The following LRRC8B variants were observed in gnomAD, a reference collection of about 807,000 sequenced individuals.
The protein encoded by LRRC8B is volume-regulated anion channel subunit LRRC8B.
LRRC8B carries 23 observed loss-of-function variants against 58.8 expected under a neutral mutation model. The observed-to-expected ratio is 0.39, with a 90% confidence interval of 0.28 to 0.55. The LOEUF (loss-of-function observed/expected upper bound fraction) is 0.55, where lower values mean the gene tolerates loss of function less well. Among genes scored for constraint, LRRC8B ranks in the 20% least tolerant of loss-of-function variants. LRRC8B has a pLI of 0.62. For synonymous variants in LRRC8B, 359 were observed against 374.1 expected (o/e 0.96, Z 0.47); for missense variants, 694 against 936.0 (o/e 0.74, Z 3.37).
intron 1 of LRRC8B, among the ~76,000 whole-genome samples, chr1:89,530,855 T>A (rs1244551929): frequency 6.6e-6 from 1 of 151,928 alleles, no homozygotes; most frequent in East Asian, 1.9e-4. Context: ...CTTTGGGAGG[T>A]GCCGTTTCTC....
chr1:89,582,555 A>T, intron 4 of LRRC8B, 70 bp from the exon 5 acceptor site: 1 of 879,862 alleles, frequency 1.1e-6, no homozygotes, highest in Non-Finnish European at 1.8e-6. Context: ...GCATGTGTGT[A>T]TGAATATTAG....
At chr1:89,525,415 C>T (rs779251193) in intron 1 of LRRC8B, among the ~76,000 whole-genome samples, 16 of 152,218 alleles carry the variant, frequency 1.1e-4, no homozygotes, top group Non-Finnish European at 1.3e-4. Flanking sequence ...TGGCGTCTCG[C>T]TCCAGATGAG....
intron 1 of LRRC8B, among the ~76,000 whole-genome samples, chr1:89,560,800 G>C (rs1652586430): frequency 6.6e-6 from 1 of 151,282 alleles, no homozygotes; most frequent in Non-Finnish European, 1.5e-5. Context: ...TGGACATTTG[G>C]CTTGGTTCCA....
At chr1:89,581,241 G>A (rs1324861082) in intron 4 of LRRC8B, among the ~76,000 whole-genome samples, 1 of 131,178 alleles carries the variant, frequency 7.6e-6, no homozygotes, top group Non-Finnish European at 1.5e-5. Flanking sequence ...GGAGGTTTCA[G>A]TGAGCTGAGA....
chr1:89,592,555 G>A (rs1293811370), intron 5 of LRRC8B, among the ~76,000 whole-genome samples: 2 of 152,114 alleles, frequency 1.3e-5, no homozygotes, highest in Non-Finnish European at 2.9e-5. Context: ...AAGGATGTAG[G>A]TGTCCAGGGT....
chr1:89,594,126 A>G lies in LRRC8B; in HGVS notation c.*1083A>G, dbSNP rs1357820456. 6.6e-6 allele frequency: 1 copy of G among 152,170 alleles called. No homozygotes were observed. Among genetic ancestry groups the G allele is most frequent in the Non-Finnish European group, 1.5e-5 (1 of 68,024 alleles). The allele number at this position is 152,170 out of a possible 1,614,324, so 9.4% of individuals were successfully genotyped here. On this transcript the variant is annotated 3_prime_UTR_variant, in exon 6 of 6. Transcript: ENST00000330947. Reference sequence around the variant, plus strand: ...AATGTAAAACATATAAATATTTTCTATTGTATAATCTTGGATTCAACATCT... The same window carrying G: ...AATGTAAAACATATAAATATTTTCTGTTGTATAATCTTGGATTCAACATCT...
intron 1 of LRRC8B, among the ~76,000 whole-genome samples, chr1:89,560,003 A>G (rs762717284): frequency 1.3e-5 from 2 of 152,152 alleles, no homozygotes; most frequent in African/African-American, 2.4e-5. Flanking sequence ...CCTAGCTCCA[A>G]TCACAGTTAA....
intron 3 of LRRC8B, among the ~76,000 whole-genome samples, chr1:89,568,814 T>C (rs1327774876): frequency 2.6e-5 from 4 of 152,104 alleles, no homozygotes; most frequent in Admixed American, 2.6e-4. Context: ...TTGGAGTCCA[T>C]GTCTGTATTT....
intron 3 of LRRC8B, among the ~76,000 whole-genome samples, chr1:89,573,022 C>T (rs1175132471): frequency 6.6e-6 from 1 of 152,042 alleles, no homozygotes; most frequent in African/African-American, 2.4e-5. Flanking sequence ...AAATGTCGGC[C>T]AGGCACGGTG....
intron 1 of LRRC8B, among the ~76,000 whole-genome samples, chr1:89,528,539 A>G (rs942130972): frequency 5.9e-5 from 9 of 152,254 alleles, no homozygotes; most frequent in Non-Finnish European, 1.3e-4. Flanking sequence ...ACTCTGTGCC[A>G]TCACTTTGGA....
chr1:89,588,468 A>C (rs7526149), intron 5 of LRRC8B, among the ~76,000 whole-genome samples: 2,060 of 152,236 alleles, frequency 0.014, 47 homozygotes, highest in African/African-American at 0.047. Context: ...GGATTAGGGA[A>C]GCGTTAAAAA....
At chr1:89,580,655 G>C (rs923404176) in intron 4 of LRRC8B, among the ~76,000 whole-genome samples, 4 of 152,152 alleles carry the variant, frequency 2.6e-5, no homozygotes, top group African/African-American at 9.7e-5. Context: ...AGAATGAGAA[G>C]AGTTGAGAGT....
intron 1 of LRRC8B, among the ~76,000 whole-genome samples, chr1:89,542,498 C>T (rs951794275): frequency 6.6e-6 from 1 of 152,192 alleles, no homozygotes; most frequent in Non-Finnish European, 1.5e-5. Flanking sequence ...TAAATATTTA[C>T]TGAATGACTG....
chr1:89,582,970 C>T lies in LRRC8B; in HGVS notation c.320C>T (p.Ala107Val), dbSNP rs766170276. ...CGACAGCAGTACTCCTATATTGATG[C>T]CGTCTGTTACGAGAAACAGCTCCAT... is the stretch of plus-strand genomic sequence containing the variant. ...LHRQQYSYID[A>V]VCYEKQLHWF... The change falls in exon 5 of 6, where the codon GCC becomes GTC. Residue 107 changes from alanine (A) to valine (V), a missense_variant. Physicochemically the swap from Ala to Val is moderately conservative, Grantham distance 64. Around this residue, in one of 5 missense-constraint regions of LRRC8B, gnomAD observed 316 missense variants for 403.8 expected, o/e 0.78. Transcript: ENST00000330947. 1 of 1,614,090 alleles carries T rather than the reference C, an allele frequency of 6.2e-7. No individual in the cohort carries two copies. The highest frequency in any genetic ancestry group is 8.5e-7 in the Non-Finnish European group (1 of 1,180,042).
chr1:89,555,191 A>G (rs1360638717), intron 1 of LRRC8B, among the ~76,000 whole-genome samples: 1 of 152,150 alleles, frequency 6.6e-6, no homozygotes, highest in South Asian at 2.1e-4. Flanking sequence ...TATGTGATTC[A>G]TATTAGTTAT....
At chr1:89,579,443 C>T (rs1265710843) in intron 3 of LRRC8B, 148 bp from the exon 4 acceptor site, 2 of 152,526 alleles carry the variant, frequency 1.3e-5, no homozygotes, top group African/African-American at 4.8e-5. Context: ...TTTGAGAGGC[C>T]AAGGTGGAAG....
intron 3 of LRRC8B, among the ~76,000 whole-genome samples, chr1:89,575,135 C>T (rs1653749544): frequency 6.6e-6 from 1 of 152,088 alleles, no homozygotes; most frequent in Non-Finnish European, 1.5e-5. Context: ...CATTTCTGGC[C>T]AGAGAGTAGA....
chr1:89,578,029 GTT>G (rs373343894), intron 3 of LRRC8B, among the ~76,000 whole-genome samples: 3 of 152,200 alleles, frequency 2.0e-5, no homozygotes, highest in African/African-American at 7.2e-5. Context: ...TTTCTTAGAG[GTT>G]TTGTCACCTT....
chr1:89,575,732 C>T (rs1442669123), intron 3 of LRRC8B, among the ~76,000 whole-genome samples: 2 of 152,058 alleles, frequency 1.3e-5, no homozygotes, highest in Non-Finnish European at 2.9e-5. Context: ...ATTTATTGTG[C>T]CCCATGTGCT....
Sources: gnomAD v4.1 joint callset for allele counts (sites outside exome capture counted in the v4.1 genomes callset) on GRCh38, gnomAD v4.1.1 for gene constraint, gnomAD v4.1.1 regional missense constraint, MANE v1.5 for transcripts, NCBI Gene and HGNC (gene_info 2026-07-23, HGNC 2026-07-21) for gene names.